CDK13: variants seen among roughly 807,000 people sequenced by gnomAD.
CDK13 encodes cyclin dependent kinase 13.
A neutral mutation model predicts 137.6 loss-of-function variants in CDK13; 40 were observed. That is an observed-to-expected ratio of 0.29 (90% CI 0.23 to 0.38). The LOEUF (loss-of-function observed/expected upper bound fraction) is 0.38, where lower values mean the gene tolerates loss of function less well. CDK13 is among the 10% of genes least tolerant of loss of function. The pLI, the probability that CDK13 is intolerant of heterozygous loss-of-function variation, is 1.00. For missense variants in CDK13, 1,704 were observed against 1,951.8 expected (o/e 0.87, Z 2.39); for synonymous variants, 869 against 760.1 (o/e 1.14, Z -2.36).
chr7:39,997,364 G>T, intron 2 of CDK13, 130 bp from the exon 3 acceptor site: 1 of 739,100 alleles, frequency 1.4e-6, no homozygotes, highest in South Asian at 1.7e-5. Context: ...AAAGAAACTT[G>T]GACAATAGTC....
intron 11 of CDK13, among the ~76,000 whole-genome samples, chr7:40,082,810 G>A (rs1481027388): frequency 1.4e-5 from 2 of 144,064 alleles, no homozygotes; most frequent in African/African-American, 2.6e-5. Flanking sequence ...AAAAAAAAAA[G>A]TTATTTTAGG....
intron 1 of CDK13, among the ~76,000 whole-genome samples, chr7:39,970,241 C>A (rs914480363): frequency 9.3e-5 from 14 of 151,268 alleles, no homozygotes; most frequent in African/African-American, 3.4e-4. Flanking sequence ...CTGACCTCAA[C>A]CTGCTTCTGC....
At chr7:40,016,864 A>C (rs534692372) in intron 5 of CDK13, among the ~76,000 whole-genome samples, 1 of 152,264 alleles carries the variant, frequency 6.6e-6, no homozygotes, top group South Asian at 2.1e-4. Flanking sequence ...GTTTTTTTAG[A>C]ATTATAAAAT....
In CDK13 at chr7:39,965,364, T is replaced by A. The variant is rs145499687; in HGVS notation, c.1211+13512T>A. 8.5e-3 allele frequency among the ~76,000 whole-genome samples: 1,289 copies of A among 152,332 alleles called. 18 individuals carry two copies. Among genetic ancestry groups the A allele is most frequent in the African/African-American group, 0.028 (1,151 of 41,570 alleles). Reference sequence around the variant, plus strand: ...TCTTGTTGAATTGATCCCTTTACCATTATGTAATGGCCTTCTTTGTTTCTT... The same window carrying A: ...TCTTGTTGAATTGATCCCTTTACCAATATGTAATGGCCTTCTTTGTTTCTT... On this transcript the variant is annotated intron_variant, in intron 1 of 13. Coordinates refer to ENST00000181839, the MANE Select transcript of CDK13 (RefSeq NM_003718.5).
rs1038263344 is a variant in CDK13, at chr7:40,094,156, G to T, written c.3715G>T (p.Asp1239Tyr). The T allele has an allele frequency of 9.3e-6, 15 of 1,613,794 alleles. No homozygotes were observed. The highest frequency in any genetic ancestry group is 1.7e-5 in the Admixed American group (1 of 59,956). The change falls in exon 14 of 14, where the codon GAT (aspartate) becomes TAT (tyrosine). Residue 1239 changes from aspartate (D) to tyrosine (Y), a missense_variant. Asp to Tyr is a radical substitution (Grantham distance 160). Coordinates refer to ENST00000181839, the MANE Select transcript of CDK13 (RefSeq NM_003718.5). ...SGQDDLIQHQ[D>Y]MRILELTPEP... ...ACAAGATGACCTCATCCAGCATCAA[G>T]ATATGAGGATCTTGGAGCTAACGCC...
intron 9 of CDK13, chr7:40,069,265 A>G: frequency 2.2e-6 from 1 of 447,372 alleles, no homozygotes; most frequent in South Asian, 1.6e-5. Flanking sequence ...ACAAAACATA[A>G]AAAGATGCTT....
At position 40,002,020 on chromosome 7, in the gene CDK13, A is replaced by T; in HGVS notation, c.2342A>T (p.Lys781Met). ...VTDKEDALDF[K>M]KDKGAFYLVF... ...GATAAAGAAGATGCTTTGGATTTCA[A>T]GAAGGACAAAGGTATGTGTGCATAT... The change falls in exon 5 of 14, where the codon AAG (lysine) becomes ATG (methionine). Residue 781 changes from lysine to methionine, a missense_variant. Around this residue, in one of 5 missense-constraint regions of CDK13, gnomAD observed 130 missense variants for 362.4 expected, o/e 0.36. Coordinates refer to ENST00000181839, the MANE Select transcript of CDK13 (RefSeq NM_003718.5). 1 of 1,606,622 alleles carries T rather than the reference A, an allele frequency of 6.2e-7. No homozygotes were observed. Among genetic ancestry groups the T allele is most frequent in the Non-Finnish European group, 8.5e-7 (1 of 1,176,874 alleles).
chr7:39,976,524 A>G (rs1160169745), intron 1 of CDK13, among the ~76,000 whole-genome samples: 6 of 152,020 alleles, frequency 3.9e-5, no homozygotes, highest in Non-Finnish European at 8.8e-5. Flanking sequence ...AAAAATGCTT[A>G]TAAATGTGAA....
At chr7:40,037,966 G>A (rs539641054) in intron 5 of CDK13, among the ~76,000 whole-genome samples, 5 of 152,044 alleles carry the variant, frequency 3.3e-5, no homozygotes, top group Admixed American at 2.6e-4. Context: ...ACCTAAATGT[G>A]GATATGTTTC....
chr7:39,960,464 A>G (rs984839535), intron 1 of CDK13, among the ~76,000 whole-genome samples: 46 of 151,698 alleles, frequency 3.0e-4, no homozygotes, highest in Non-Finnish European at 5.2e-4. Context: ...TCATCATTTT[A>G]CCCAGGATGG....
intron 5 of CDK13, among the ~76,000 whole-genome samples, chr7:40,022,532 C>T (rs1042974803): frequency 6.6e-6 from 1 of 151,998 alleles, no homozygotes; most frequent in African/African-American, 2.4e-5. Flanking sequence ...ATTTGTTGAG[C>T]ACCAATTATA....
At chr7:39,971,468 G>T (rs1783997170) in intron 1 of CDK13, among the ~76,000 whole-genome samples, 1 of 152,040 alleles carries the variant, frequency 6.6e-6, no homozygotes, top group African/African-American at 2.4e-5. Context: ...CATGAGCCAA[G>T]ATCTTGCCAC....
intron 9 of CDK13, among the ~76,000 whole-genome samples, chr7:40,075,857 G>A (rs1253054454): frequency 1.3e-5 from 2 of 151,988 alleles, no homozygotes; most frequent in Non-Finnish European, 1.5e-5. Flanking sequence ...CAAACCTACC[G>A]CAGTATTATC....
chr7:40,028,456 G>C (rs949936704), intron 5 of CDK13, among the ~76,000 whole-genome samples: 2 of 152,064 alleles, frequency 1.3e-5, no homozygotes, highest in African/African-American at 4.8e-5. Context: ...TTGACCTCAT[G>C]ATCTGCCCGC....
intron 7 of CDK13, among the ~76,000 whole-genome samples, chr7:40,050,867 A>T (rs1463767450): frequency 6.6e-6 from 1 of 152,204 alleles, no homozygotes; most frequent in African/African-American, 2.4e-5. Flanking sequence ...GAAAACAGCT[A>T]ATTACCATTT....
chr7:39,968,044 T>C (rs541652767), intron 1 of CDK13, among the ~76,000 whole-genome samples: 3 of 152,202 alleles, frequency 2.0e-5, no homozygotes, highest in Non-Finnish European at 4.4e-5. Flanking sequence ...TTCCCTCTTT[T>C]GAGGAATGTC....
chr7:40,045,243 T>C lies in CDK13; in HGVS notation c.2354-593T>C, dbSNP rs187651704. 1.3e-4 allele frequency among the ~76,000 whole-genome samples: 20 copies of C among 152,336 alleles called. No individual in the cohort carries two copies. In the East Asian group the frequency reaches 3.5e-3, roughly 26 times the overall value. On this transcript the variant is annotated intron_variant, in intron 5 of 13. Coordinates refer to ENST00000181839, the MANE Select transcript of CDK13 (RefSeq NM_003718.5). ...TACGTTTGTATAGTTTGTGTGTGTG[T>C]GCTATGTGCTATTTTAGGTTTTGGT...
At chr7:39,956,952 T>G (rs919999490) in intron 1 of CDK13, among the ~76,000 whole-genome samples, 1 of 152,176 alleles carries the variant, frequency 6.6e-6, no homozygotes, top group African/African-American at 2.4e-5. Context: ...TCTATCACAG[T>G]TCTGTTTTCA....
chr7:40,019,700 A>C (rs1361131363), intron 5 of CDK13, among the ~76,000 whole-genome samples: 1 of 152,228 alleles, frequency 6.6e-6, no homozygotes, highest in Admixed American at 6.5e-5. Context: ...TAGCCTAGCC[A>C]AGTTGGCACA....
Sources: gnomAD v4.1 joint callset for allele counts (sites outside exome capture counted in the v4.1 genomes callset) on GRCh38, gnomAD v4.1.1 for gene constraint, gnomAD v4.1.1 regional missense constraint, MANE v1.5 for transcripts, NCBI Gene and HGNC (gene_info 2026-07-23, HGNC 2026-07-21) for gene names.